HPCAL1: variants seen among roughly 807,000 people sequenced by gnomAD.
HPCAL1 encodes the protein hippocalcin-like protein 1.
Under a neutral mutation model 17.1 loss-of-function variants are expected in HPCAL1, and 8 were observed. That is an observed-to-expected ratio of 0.47 (90% CI 0.27 to 0.84). The LOEUF is 0.84. Ranked by LOEUF, HPCAL1 falls within the 40% of genes least tolerant of loss-of-function variation. The pLI is 0.13. For missense variants in HPCAL1, 165 were observed against 271.1 expected, an observed-to-expected ratio of 0.61 and a Z score of 2.75; for synonymous variants, 112 against 111.4, an observed-to-expected ratio of 1.01 and a Z score of -0.03.
rs1370406769 is a variant in HPCAL1, at chr2:10,342,439, C to T, written c.-111+39262C>T. On this transcript the variant is annotated intron_variant, in intron 1 of 4. Coordinates refer to ENST00000307845, the MANE Select transcript of HPCAL1 (RefSeq NM_002149.4). This position sits in a 1 kb window ranked among gnomAD's most constrained non-coding sequence, Gnocchi z 4.1. ...CCACATGTGCAGTCCGTGCCTCCAG[C>T]GCGCAGCCTGAAAGGGAGGCGTGCA... 6.6e-6 allele frequency among the ~76,000 whole-genome samples: 1 copy of T among 150,764 alleles called. No individual in the cohort carries two copies. The highest frequency in any genetic ancestry group is 2.4e-5 in the African/African-American group (1 of 41,084).
chr2:10,393,357 T>C (rs527445863), intron 1 of HPCAL1, among the ~76,000 whole-genome samples: 1 of 152,240 alleles, frequency 6.6e-6, no homozygotes, highest in Admixed American at 6.5e-5. Context: ...TCCTTCAAGG[T>C]CTCCGGAACA....
Position 10,426,987 on chromosome 2 carries a change from G to T in HPCAL1, c.*166G>T. 1.6e-6 allele frequency: 1 copy of T among 620,414 alleles called. No homozygotes were observed. The highest frequency in any genetic ancestry group is 1.8e-5 in the South Asian group (1 of 54,260). 38.4% of individuals were successfully genotyped at this position (620,414 alleles called of 1,614,324 possible). ...GTGGCTGCGCCTCCCTCCTCCACCT[G>T]ACCAACGCGACATTCCTCCCCTCAC... On this transcript the variant is annotated 3_prime_UTR_variant, in exon 5 of 5. Coordinates refer to ENST00000307845, the MANE Select transcript of HPCAL1 (RefSeq NM_002149.4).
chr2:10,332,010 G>C (rs1225043647), intron 1 of HPCAL1, among the ~76,000 whole-genome samples: 1 of 127,254 alleles, frequency 7.9e-6, no homozygotes, highest in Non-Finnish European at 1.8e-5. Flanking sequence ...CGTGTCACCT[G>C]TTGTTGCTTC....
intron 3 of HPCAL1, among the ~76,000 whole-genome samples, chr2:10,421,424 A>G (rs1671056824): frequency 1.3e-5 from 2 of 152,140 alleles, no homozygotes; most frequent in Non-Finnish European, 2.9e-5. Flanking sequence ...ATCCAATTCT[A>G]GAACTCATGG....
At chr2:10,312,570 C>CTCATCATCATCACCATCACTG (rs1181395689) in intron 1 of HPCAL1, among the ~76,000 whole-genome samples, 2 of 144,274 alleles carry the variant, frequency 1.4e-5, no homozygotes, top group Admixed American at 1.4e-4. Context: ...CATCCCCATC[C>CTCATCATCATCACCATCACTG]TCATCATCAT....
At chr2:10,319,553 A>T (rs1663535208) in intron 1 of HPCAL1, among the ~76,000 whole-genome samples, 1 of 95,958 alleles carries the variant, frequency 1.0e-5, no homozygotes, top group Non-Finnish European at 1.9e-5. Context: ...TTTTCAGGGG[A>T]TGATAGGCTG....
chr2:10,388,657 C>T (rs1279172944), intron 1 of HPCAL1, among the ~76,000 whole-genome samples: 2 of 152,204 alleles, frequency 1.3e-5, no homozygotes, highest in South Asian at 2.1e-4. Flanking sequence ...AGTTTTCCTA[C>T]AACAATTGTG....
rs540096994 is a variant in HPCAL1 at position 10,420,760 on chromosome 2, T to C, written c.378+625T>C. ...CTCAAATAGATGAATTTCTAAAAATTATATTTTATATATATTTGGAGATGG... is the reference window on the plus strand; with the variant it reads ...CTCAAATAGATGAATTTCTAAAAATCATATTTTATATATATTTGGAGATGG... On this transcript the variant is annotated intron_variant, in intron 3 of 4. Coordinates refer to ENST00000307845, the MANE Select transcript of HPCAL1 (RefSeq NM_002149.4). 9.5e-4 allele frequency among the ~76,000 whole-genome samples: 145 copies of C among 152,224 alleles called. 1 individual carries two copies. The highest frequency in any genetic ancestry group is 3.4e-3 in the African/African-American group (142 of 41,550).
In HPCAL1 at chr2:10,344,488, T is replaced by C. The variant is rs993159061; in HGVS notation, c.-111+41311T>C. 1.3e-5 allele frequency among the ~76,000 whole-genome samples: 2 copies of C among 152,246 alleles called. No individual in the cohort carries two copies. The highest frequency in any genetic ancestry group is 2.9e-5 in the Non-Finnish European group (2 of 68,048). ...CATAGTTGTATAGTGATTGTCTTTATGGAACTCCAGAATAGCTTCTTAGAT... is the reference window on the plus strand; with the variant it reads ...CATAGTTGTATAGTGATTGTCTTTACGGAACTCCAGAATAGCTTCTTAGAT... On this transcript the variant is annotated intron_variant, in intron 1 of 4. Transcript: ENST00000307845. The surrounding 1 kb of genome is among the most constrained non-coding windows in gnomAD (Gnocchi z 4.9).
At chr2:10,321,702 A>T (rs75016093) in intron 1 of HPCAL1, among the ~76,000 whole-genome samples, 1 of 152,152 alleles carries the variant, frequency 6.6e-6, no homozygotes, top group African/African-American at 2.4e-5. Flanking sequence ...GACATTTTAT[A>T]TCAAGGAAAT....
chr2:10,388,445 A>C lies in HPCAL1; in HGVS notation c.-110-8390A>C, dbSNP rs1231782598. On this transcript the variant is annotated intron_variant, in intron 1 of 4. Coordinates refer to ENST00000307845, the MANE Select transcript of HPCAL1 (RefSeq NM_002149.4). ...TTTTATTTTCCTTCCTGCCTATGGA[A>C]GGTCCTGAGTGAACAAACAAGTTTC... 2.6e-5 allele frequency among the ~76,000 whole-genome samples: 4 copies of C among 152,304 alleles called. No individual in the cohort carries two copies. The East Asian group carries it at 7.7e-4, about 29-fold the overall frequency.
intron 2 of HPCAL1, among the ~76,000 whole-genome samples, chr2:10,400,934 C>T (rs980920196): frequency 2.6e-5 from 4 of 152,248 alleles, no homozygotes; most frequent in Admixed American, 1.3e-4. Context: ...GGAGCATCTG[C>T]TCCATGTCGG....
At chr2:10,322,203 A>G (rs1373706287) in intron 1 of HPCAL1, among the ~76,000 whole-genome samples, 1 of 152,006 alleles carries the variant, frequency 6.6e-6, no homozygotes, top group Admixed American at 6.6e-5. Flanking sequence ...TTAAATGTTT[A>G]GTAGAGATGA....
At position 10,304,320 on chromosome 2, in the gene HPCAL1, G is replaced by A. The variant is rs1662474077; in HGVS notation, c.-111+1143G>A. Among the ~76,000 whole-genome samples the A allele has an allele frequency of 6.6e-6, 1 of 152,248 alleles. No homozygotes were observed. The highest frequency in any genetic ancestry group is 1.5e-5 in the Non-Finnish European group (1 of 68,034). ...GCAGCTCAGCTCGTGGAGTCCGAGA[G>A]TCACGGCGTAAAATTGGCGCTTCCC... On this transcript the variant is annotated intron_variant, in intron 1 of 4. Transcript: ENST00000307845. This position sits in a 1 kb window ranked among gnomAD's most constrained non-coding sequence, Gnocchi z 4.1.
chr2:10,316,593 G>C (rs1426043921), intron 1 of HPCAL1, among the ~76,000 whole-genome samples: 1 of 152,170 alleles, frequency 6.6e-6, no homozygotes, highest in African/African-American at 2.4e-5. Context: ...ATCTGTTTGA[G>C]TCCAGGATAT....
chr2:10,371,260 T>C (rs1250374182), intron 1 of HPCAL1, among the ~76,000 whole-genome samples: 2 of 152,124 alleles, frequency 1.3e-5, no homozygotes, highest in Admixed American at 6.5e-5. Context: ...ATACATTGTC[T>C]CCTTGGAGGT....
At chr2:10,409,233 G>A (rs1468245383) in intron 2 of HPCAL1, among the ~76,000 whole-genome samples, 6 of 152,170 alleles carry the variant, frequency 3.9e-5, no homozygotes, top group Non-Finnish European at 7.3e-5. Flanking sequence ...GCTTATAGGT[G>A]GAGACACGGA....
chr2:10,312,532 TCAC>T (rs576534252), intron 1 of HPCAL1, among the ~76,000 whole-genome samples: 1 of 150,164 alleles, frequency 6.7e-6, no homozygotes, highest in African/African-American at 2.5e-5. Flanking sequence ...ACCATCATCA[TCAC>T]CACCACCATC....
intron 1 of HPCAL1, among the ~76,000 whole-genome samples, chr2:10,351,702 T>C (rs1665850377): frequency 6.6e-6 from 1 of 151,862 alleles, no homozygotes; most frequent in Admixed American, 6.6e-5. Flanking sequence ...GAGGTTGCAG[T>C]GAGCCATGAT....
Sources: allele counts gnomAD v4.1 joint callset (sites outside exome capture counted in the v4.1 genomes callset), GRCh38; gene constraint gnomAD v4.1.1; non-coding constraint Gnocchi (gnomAD v3.1); transcripts MANE v1.5; gene names NCBI Gene and HGNC (gene_info 2026-07-23, HGNC 2026-07-21).